Variants in LRBA observed in about 807,000 individuals in gnomAD.
The protein encoded by LRBA is LPS responsive beige-like anchor protein.
A neutral mutation model predicts 330.0 loss-of-function variants in LRBA; 176 were observed. The observed-to-expected ratio is 0.53, with a 90% CI of 0.47 to 0.60. The LOEUF is 0.60. Among genes scored for constraint, LRBA ranks in the 20% least tolerant of loss-of-function variants. The probability of loss-of-function intolerance (pLI) is 0.00; values close to 1 mark genes in which losing one functional copy is unlikely to be tolerated. For missense variants in LRBA, 3,259 were observed against 3,444.8 expected (o/e 0.95, Z 1.35); for synonymous variants, 1,230 against 1,193.0 (o/e 1.03, Z -0.64).
intron 40 of LRBA, among the ~76,000 whole-genome samples, chr4:150,499,236 CATAATATAAATTTTCCCTT>C (rs1357607080): frequency 1.3e-5 from 2 of 152,066 alleles, no homozygotes; most frequent in African/African-American, 4.8e-5. Flanking sequence ...AGAAAAAAAT[CATAATATAAATTTTCCCTT>C]TATAATTTTT....
intron 2 of LRBA, among the ~76,000 whole-genome samples, chr4:150,971,723 A>T (rs1226984963): frequency 6.6e-6 from 1 of 152,196 alleles, no homozygotes; most frequent in African/African-American, 2.4e-5. Context: ...AAACAAATGA[A>T]ACATTAAGAG....
chr4:150,346,776 A>C lies in LRBA; in HGVS notation c.7362+3216T>G, dbSNP rs866749247. On this transcript the variant is annotated intron_variant, in intron 48 of 56. Transcript: ENST00000651943. The stretch of plus-strand genomic sequence containing the variant: ...CTGTCTCAAAAAAAAAAAAAAAAAA[A>C]AAAAAAAAAAACACTTATTTGTTAT... Among the ~76,000 whole-genome samples the C allele has an allele frequency of 3.7e-3, 548 of 149,326 alleles. 4 individuals carry two copies. The highest frequency in any genetic ancestry group is 0.012 in the African/African-American group (482 of 39,836).
intron 13 of LRBA, among the ~76,000 whole-genome samples, chr4:150,901,569 C>G (rs1228872106): frequency 1.3e-5 from 2 of 152,178 alleles, no homozygotes; most frequent in Admixed American, 6.5e-5. Context: ...TTCAAACCTG[C>G]AAGGTACCTC....
At chr4:150,971,676 T>C (rs1739595732) in intron 2 of LRBA, among the ~76,000 whole-genome samples, 1 of 152,212 alleles carries the variant, frequency 6.6e-6, no homozygotes, top group Non-Finnish European at 1.5e-5. Flanking sequence ...AATCATAAGA[T>C]ATATTTAATA....
chr4:150,349,884 T>C, intron 48 of LRBA, 108 bp downstream of exon 48: 1 of 942,158 alleles, frequency 1.1e-6, no homozygotes, highest in Non-Finnish European at 1.6e-6. Context: ...TTACATCTAG[T>C]TTCACTTTCT....
At chr4:150,951,589 G>A (rs1468317767) in intron 2 of LRBA, among the ~76,000 whole-genome samples, 6 of 152,058 alleles carry the variant, frequency 3.9e-5, no homozygotes, top group African/African-American at 1.4e-4. Flanking sequence ...AAACACAATA[G>A]ATAATAAGAC....
At chr4:150,428,972 T>A (rs1750011365) in intron 46 of LRBA, among the ~76,000 whole-genome samples, 1 of 152,142 alleles carries the variant, frequency 6.6e-6, no homozygotes, top group South Asian at 2.1e-4. Flanking sequence ...ACATATTTAA[T>A]TTAGTGCCTA....
At chr4:150,931,365 GT>G (rs1561022813) in intron 2 of LRBA, among the ~76,000 whole-genome samples, 1 of 150,962 alleles carries the variant, frequency 6.6e-6, no homozygotes, top group Non-Finnish European at 1.5e-5. Context: ...GACGGTGGTG[GT>G]TATTGTTATT....
intron 11 of LRBA, among the ~76,000 whole-genome samples, chr4:150,907,270 G>T (rs1731442589): frequency 2.4e-5 from 2 of 83,864 alleles, no homozygotes; most frequent in Admixed American, 1.2e-4. Flanking sequence ...GAAGAGAGAA[G>T]GGGGGGAGAG....
chr4:150,641,188 T>C (rs1778645193), intron 37 of LRBA, among the ~76,000 whole-genome samples: 1 of 152,158 alleles, frequency 6.6e-6, no homozygotes, highest in African/African-American at 2.4e-5. Context: ...ACCATACACA[T>C]TTCGCAGTAA....
rs1430561819 is a variant in LRBA, at chr4:150,441,751, T to C, written c.6781-4887A>G. Among the ~76,000 whole-genome samples, 11 of 151,988 alleles carry C rather than the reference T, an allele frequency of 7.2e-5. No homozygotes were observed. In the East Asian group the frequency reaches 2.1e-3, roughly 29 times the overall value. On this transcript the variant is annotated intron_variant, in intron 44 of 56. Transcript: ENST00000651943. ...ATAAATTTAGAAGACTCAAACCTAG[T>C]ACTCAAAAGTCCTTCTCTGGGCCAT...
At chr4:150,740,397 T>TA (rs1441235872) in intron 35 of LRBA, among the ~76,000 whole-genome samples, 1 of 151,770 alleles carries the variant, frequency 6.6e-6, no homozygotes, top group Non-Finnish European at 1.5e-5. Flanking sequence ...AGTTAACAGT[T>TA]AGTTATTTGA....
At chr4:150,503,383 T>C (rs1473373734) in intron 40 of LRBA, among the ~76,000 whole-genome samples, 1 of 152,162 alleles carries the variant, frequency 6.6e-6, no homozygotes, top group Non-Finnish European at 1.5e-5. Flanking sequence ...GGCAGCAGCA[T>C]TGGCAGTTCA....
chr4:150,489,239 C>CGAATATATAATATATTATATATAT (rs1758413450), intron 41 of LRBA, among the ~76,000 whole-genome samples: 1 of 51,760 alleles, frequency 1.9e-5, no homozygotes, highest in African/African-American at 8.9e-5. Context: ...ATTATATATA[C>CGAATATATAATATATTATATATAT]GAATATATAA....
intron 36 of LRBA, among the ~76,000 whole-genome samples, chr4:150,720,391 TAAAACTC>T (rs1443349528): frequency 6.6e-6 from 1 of 152,008 alleles, no homozygotes; most frequent in African/African-American, 2.4e-5. Context: ...GCAAATAAGA[TAAAACTC>T]AAAATAAAGT....
chr4:150,920,834 T>C (rs1391678129), intron 5 of LRBA, among the ~76,000 whole-genome samples: 1 of 150,650 alleles, frequency 6.6e-6, no homozygotes, highest in Non-Finnish European at 1.5e-5. Context: ...ATACACAAGG[T>C]ACAAAAAAAA....
chr4:150,853,680 T>A (rs866062187), intron 22 of LRBA, among the ~76,000 whole-genome samples: 9 of 152,198 alleles, frequency 5.9e-5, no homozygotes, highest in African/African-American at 7.2e-5. Context: ...AAAGTAAATT[T>A]TTTTTTAAAG....
chr4:150,608,740 A>T (rs923625026), intron 37 of LRBA, among the ~76,000 whole-genome samples: 1 of 152,136 alleles, frequency 6.6e-6, no homozygotes, highest in South Asian at 2.1e-4. Context: ...CTCCATACCC[A>T]TTACCCGTCA....
At chr4:150,557,181 A>G (rs959978318) in intron 40 of LRBA, among the ~76,000 whole-genome samples, 1 of 152,184 alleles carries the variant, frequency 6.6e-6, no homozygotes, top group Admixed American at 6.5e-5. Flanking sequence ...CATAAGAACA[A>G]GCTTGAAAGG....
Sources: allele counts gnomAD v4.1 joint callset (sites outside exome capture counted in the v4.1 genomes callset), GRCh38; gene constraint gnomAD v4.1.1; transcripts MANE v1.5; gene names NCBI Gene and HGNC (gene_info 2026-07-23, HGNC 2026-07-21).